DOK6: variants seen among roughly 807,000 people sequenced by gnomAD.
DOK6 encodes the protein docking protein 6, also known as downstream of tyrosine kinase 6.
Under a neutral mutation model 44.0 loss-of-function variants are expected in DOK6, and 22 were observed. The observed-to-expected ratio is 0.50, with a 90% CI of 0.36 to 0.71. The LOEUF (loss-of-function observed/expected upper bound fraction) is 0.71. Ranked by LOEUF, DOK6 falls within the 30% of genes least tolerant of loss-of-function variation. DOK6 has a pLI of 0.00. For missense variants in DOK6, 340 were observed against 416.4 expected, an observed-to-expected ratio of 0.82 and a Z score of 1.60; for synonymous variants, 166 against 145.5, an observed-to-expected ratio of 1.14 and a Z score of -1.01.
intron 3 of DOK6, among the ~76,000 whole-genome samples, chr18:69,619,885 G>A (rs1047519865): frequency 6.6e-6 from 1 of 152,048 alleles, no homozygotes; most frequent in Non-Finnish European, 1.5e-5. Context: ...CATAAAACAC[G>A]AGGTACCGAA....
chr18:69,691,859 C>T (rs1371813526), intron 4 of DOK6, among the ~76,000 whole-genome samples: 1 of 152,096 alleles, frequency 6.6e-6, no homozygotes, highest in Non-Finnish European at 1.5e-5. Context: ...AATCAAGGCA[C>T]CTCCCCTTCA....
At chr18:69,686,914 AT>A (rs937454879) in intron 4 of DOK6, among the ~76,000 whole-genome samples, 12 of 152,184 alleles carry the variant, frequency 7.9e-5, no homozygotes, top group African/African-American at 2.9e-4. Context: ...ATTTAAAAAA[AT>A]AATATGTTAT....
At chr18:69,529,859 A>G (rs972858203) in intron 1 of DOK6, among the ~76,000 whole-genome samples, 4 of 152,226 alleles carry the variant, frequency 2.6e-5, no homozygotes, top group Non-Finnish European at 5.9e-5. Flanking sequence ...TCAAAATTGT[A>G]TCAAATGTAT....
At chr18:69,795,246 G>A (rs961753623) in intron 7 of DOK6, among the ~76,000 whole-genome samples, 5 of 151,934 alleles carry the variant, frequency 3.3e-5, no homozygotes, top group East Asian at 3.9e-4. Flanking sequence ...CAAGACAAGC[G>A]GATGATCATC....
chr18:69,464,269 G>C (rs1437725989), intron 1 of DOK6, among the ~76,000 whole-genome samples: 4 of 152,196 alleles, frequency 2.6e-5, no homozygotes, highest in South Asian at 4.1e-4. Context: ...TTGACATCCT[G>C]ATGTGAGATT....
chr18:69,727,989 C>CGTCTG (rs1241434781), intron 5 of DOK6, among the ~76,000 whole-genome samples: 6 of 152,198 alleles, frequency 3.9e-5, no homozygotes, highest in Non-Finnish European at 4.4e-5. Context: ...ATTCAAGCCT[C>CGTCTG]GTCTGGTCTG....
intron 1 of DOK6, among the ~76,000 whole-genome samples, chr18:69,534,558 T>C (rs1982069054): frequency 6.6e-6 from 1 of 152,074 alleles, no homozygotes; most frequent in Non-Finnish European, 1.5e-5. Flanking sequence ...ATTCTTTGTA[T>C]GGTGTGAGTT....
chr18:69,709,488 A>G (rs1003570448), intron 5 of DOK6, among the ~76,000 whole-genome samples: 11 of 152,334 alleles, frequency 7.2e-5, no homozygotes, highest in African/African-American at 2.6e-4. Context: ...CTCTCACAAC[A>G]AAAGTCTAGG....
At chr18:69,603,958 T>C (rs1983938056) in intron 3 of DOK6, among the ~76,000 whole-genome samples, 1 of 152,116 alleles carries the variant, frequency 6.6e-6, no homozygotes, top group Non-Finnish European at 1.5e-5. Flanking sequence ...AGGATCATAA[T>C]TTTATTTTAA....
At chr18:69,662,584 C>T (rs1412157731) in intron 3 of DOK6, 1 of 152,146 alleles carries the variant, frequency 6.6e-6, no homozygotes, top group African/African-American at 2.4e-5. Flanking sequence ...TGAATATTGC[C>T]TTTGAACAAA....
At chr18:69,569,006 T>C (rs1983052719) in intron 2 of DOK6, among the ~76,000 whole-genome samples, 1 of 151,920 alleles carries the variant, frequency 6.6e-6, no homozygotes, top group Non-Finnish European at 1.5e-5. Context: ...AAGTGCACAA[T>C]AAATGCAATA....
At chr18:69,788,179 A>G (rs1345637403) in intron 7 of DOK6, among the ~76,000 whole-genome samples, 4 of 152,184 alleles carry the variant, frequency 2.6e-5, no homozygotes, top group East Asian at 3.9e-4. Context: ...TTAAATAACC[A>G]GGGGTAATCT....
chr18:69,757,030 T>A (rs960996475), intron 6 of DOK6, among the ~76,000 whole-genome samples: 4 of 152,262 alleles, frequency 2.6e-5, no homozygotes, highest in African/African-American at 9.6e-5. Flanking sequence ...GGAAGTCCAA[T>A]GTAAACTATT....
intron 3 of DOK6, among the ~76,000 whole-genome samples, chr18:69,629,028 A>G (rs916713053): frequency 6.6e-6 from 1 of 152,246 alleles, no homozygotes; most frequent in African/African-American, 2.4e-5. Flanking sequence ...ATGATCACAT[A>G]GTAGCAAAAA....
intron 3 of DOK6, among the ~76,000 whole-genome samples, chr18:69,665,409 TGTACCTAATTATAG>T (rs1351701430): frequency 1.3e-5 from 2 of 152,182 alleles, no homozygotes; most frequent in Non-Finnish European, 2.9e-5. Context: ...TTTGATTATT[TGTACCTAATTATAG>T]GTACCTAATT....
intron 3 of DOK6, among the ~76,000 whole-genome samples, chr18:69,656,241 T>C (rs1400598718): frequency 1.3e-5 from 2 of 152,018 alleles, no homozygotes; most frequent in Non-Finnish European, 2.9e-5. Context: ...TAACACTGAA[T>C]AGTAAGGGTA....
At chr18:69,618,576 T>C (rs1377927495) in intron 3 of DOK6, 1 of 154,334 alleles carries the variant, frequency 6.5e-6, no homozygotes, top group East Asian at 1.9e-4. Flanking sequence ...CTCAAAATCA[T>C]GGCAGACAGC....
chr18:69,671,593 G>T (rs1038195671), intron 3 of DOK6, among the ~76,000 whole-genome samples: 1 of 152,126 alleles, frequency 6.6e-6, no homozygotes, highest in Non-Finnish European at 1.5e-5. Context: ...TTGAATAGAT[G>T]ATATTTTATC....
intron 7 of DOK6, among the ~76,000 whole-genome samples, chr18:69,768,842 C>T (rs1261643385): frequency 2.0e-5 from 3 of 151,688 alleles, no homozygotes; most frequent in African/African-American, 7.3e-5. Context: ...AATTAATAGA[C>T]ACTAACTGGA....
Sources: gnomAD v4.1 joint callset for allele counts (sites outside exome capture counted in the v4.1 genomes callset) on GRCh38, gnomAD v4.1.1 for gene constraint, MANE v1.5 for transcripts, NCBI Gene and HGNC (gene_info 2026-07-23, HGNC 2026-07-21) for gene names.